CSMD1: variants seen among roughly 807,000 people sequenced by gnomAD.
CSMD1 encodes CUB and sushi domain-containing protein 1.
A neutral mutation model predicts 417.5 loss-of-function variants in CSMD1; 213 were observed. That is an observed-to-expected ratio of 0.51 (90% CI 0.46 to 0.57). CSMD1 has a LOEUF of 0.57. Among genes scored for constraint, CSMD1 ranks in the 20% least tolerant of loss-of-function variants. The probability of loss-of-function intolerance (pLI) is 0.00; values close to 1 mark genes in which losing one functional copy is unlikely to be tolerated. For synonymous variants in CSMD1, 2,862 were observed against 1,736.8 expected (o/e 1.65, Z -16.11); for missense variants, 6,923 against 4,529.7 (o/e 1.53, Z -15.17).
At chr8:4,917,662 AAAAAT>A (rs953072029) in intron 1 of CSMD1, among the ~76,000 whole-genome samples, 5 of 151,498 alleles carry the variant, frequency 3.3e-5, no homozygotes, top group Non-Finnish European at 5.9e-5. Context: ...AAATAAAATA[AAAAAT>A]AAAATAAGAG....
At chr8:3,466,681 G>T (rs1816809243) in intron 12 of CSMD1, among the ~76,000 whole-genome samples, 1 of 149,534 alleles carries the variant, frequency 6.7e-6, no homozygotes, top group Non-Finnish European at 1.5e-5. Flanking sequence ...CGCCTGCCTT[G>T]GTCTCCCAAA....
intron 3 of CSMD1, among the ~76,000 whole-genome samples, chr8:4,207,859 G>A (rs1281322435): frequency 6.6e-6 from 1 of 152,026 alleles, no homozygotes; most frequent in Non-Finnish European, 1.5e-5. Flanking sequence ...GTGATAATTG[G>A]TTCCATATAG....
At chr8:3,100,564 G>C (rs1363824083) in intron 46 of CSMD1, among the ~76,000 whole-genome samples, 1 of 152,196 alleles carries the variant, frequency 6.6e-6, no homozygotes, top group Non-Finnish European at 1.5e-5. Context: ...GGGAATCTGG[G>C]AAACCTCTCA....
chr8:4,034,155 T>A (rs1035016919), intron 3 of CSMD1, among the ~76,000 whole-genome samples: 1 of 152,158 alleles, frequency 6.6e-6, no homozygotes. Flanking sequence ...CTGAGTAACA[T>A]AGAGAACATT....
intron 49 of CSMD1, among the ~76,000 whole-genome samples, chr8:3,066,548 T>C (rs150128646): frequency 0.012 from 1,760 of 152,326 alleles, 30 homozygotes; most frequent in African/African-American, 0.035. Context: ...TGAGTAATCA[T>C]GGCTTCCTTG....
chr8:4,226,128 G>C (rs1160000412), intron 3 of CSMD1, among the ~76,000 whole-genome samples: 3 of 150,210 alleles, frequency 2.0e-5, no homozygotes, highest in East Asian at 2.0e-4. Context: ...ATACACACTT[G>C]CTAGCATGAG....
intron 26 of CSMD1, among the ~76,000 whole-genome samples, chr8:3,250,184 G>C (rs184156811): frequency 9.8e-5 from 15 of 152,294 alleles, no homozygotes; most frequent in African/African-American, 3.4e-4. Flanking sequence ...CATTAGGTAT[G>C]TCTCCAAATA....
chr8:4,013,107 A>G (rs1796357244), intron 4 of CSMD1, among the ~76,000 whole-genome samples: 1 of 152,004 alleles, frequency 6.6e-6, no homozygotes, highest in African/African-American at 2.4e-5. Flanking sequence ...GTGTCACACG[A>G]TGTCGTTTTT....
chr8:4,600,302 G>A (rs1033589522), intron 2 of CSMD1, among the ~76,000 whole-genome samples: 14 of 152,242 alleles, frequency 9.2e-5, no homozygotes, highest in African/African-American at 3.4e-4. Flanking sequence ...ACTCTATGTA[G>A]CAAATATAGA....
chr8:3,036,454 C>A (rs1192221952), intron 50 of CSMD1, among the ~76,000 whole-genome samples: 1 of 152,194 alleles, frequency 6.6e-6, no homozygotes, highest in Non-Finnish European at 1.5e-5. Context: ...TTATAACCAA[C>A]TTTAATTGAA....
intron 3 of CSMD1, among the ~76,000 whole-genome samples, chr8:4,410,372 G>T (rs948568468): frequency 1.8e-4 from 28 of 152,136 alleles, no homozygotes; most frequent in African/African-American, 6.8e-4. Flanking sequence ...CCACACCTCA[G>T]AATTCATGTG....
chr8:3,857,744 G>A (rs1804413049), intron 5 of CSMD1, among the ~76,000 whole-genome samples: 1 of 152,188 alleles, frequency 6.6e-6, no homozygotes, highest in Admixed American at 6.5e-5. Flanking sequence ...GTTTTTGACA[G>A]AGCTTCTATA....
intron 3 of CSMD1, among the ~76,000 whole-genome samples, chr8:4,043,112 G>C (rs763846913): frequency 2.6e-5 from 4 of 152,006 alleles, no homozygotes; most frequent in Non-Finnish European, 5.9e-5. Context: ...CAGCCTGGGT[G>C]AGACAGTGAG....
At chr8:3,320,650 A>G (rs1296616883) in intron 23 of CSMD1, among the ~76,000 whole-genome samples, 1 of 152,326 alleles carries the variant, frequency 6.6e-6, no homozygotes, top group South Asian at 2.1e-4. Context: ...CCACCGCTGC[A>G]TTGGGACGCA....
intron 37 of CSMD1, among the ~76,000 whole-genome samples, chr8:3,168,241 T>A (rs952106983): frequency 1.3e-5 from 2 of 152,132 alleles, no homozygotes; most frequent in East Asian, 3.9e-4. Context: ...ATGAACACTA[T>A]GTGGAACGTA....
At chr8:3,793,556 C>T (rs535370307) in intron 5 of CSMD1, among the ~76,000 whole-genome samples, 124 of 151,902 alleles carry the variant, frequency 8.2e-4, no homozygotes, top group African/African-American at 2.9e-3. Flanking sequence ...GACACCCCCT[C>T]CTCCAAAGCC....
chr8:4,409,232 G>T (rs986019435), intron 3 of CSMD1, among the ~76,000 whole-genome samples: 4 of 152,154 alleles, frequency 2.6e-5, no homozygotes, highest in Non-Finnish European at 5.9e-5. Context: ...AAATTCGAAT[G>T]CATTTTTACC....
intron 1 of CSMD1, among the ~76,000 whole-genome samples, chr8:4,769,642 A>T (rs1796504314): frequency 6.6e-6 from 1 of 152,170 alleles, no homozygotes; most frequent in Non-Finnish European, 1.5e-5. Context: ...CATCTGTTGA[A>T]AAAGAAACGG....
At chr8:3,273,586 A>G (rs1052772057) in intron 26 of CSMD1, among the ~76,000 whole-genome samples, 3 of 152,140 alleles carry the variant, frequency 2.0e-5, no homozygotes, top group African/African-American at 7.2e-5. Flanking sequence ...TTGGTAAGCT[A>G]TTGATTATTG....
Sources: allele counts gnomAD v4.1 joint callset (sites outside exome capture counted in the v4.1 genomes callset), GRCh38; gene constraint gnomAD v4.1.1; transcripts MANE v1.5; gene names NCBI Gene and HGNC (gene_info 2026-07-23, HGNC 2026-07-21).